Variants in FGD3 observed in about 807,000 individuals in gnomAD.
FGD3 encodes FYVE, RhoGEF and PH domain-containing protein 3.
FGD3 carries 45 observed loss-of-function variants against 71.8 expected under a neutral mutation model. That is an observed-to-expected ratio of 0.63 (90% CI 0.49 to 0.80). The LOEUF (loss-of-function observed/expected upper bound fraction) is 0.80, where lower values mean the gene tolerates loss of function less well. Among genes scored for constraint, FGD3 ranks in the 30% least tolerant of loss-of-function variants. The pLI is 0.00. For missense variants in FGD3, 844 were observed against 951.5 expected (o/e 0.89, Z 1.49); for synonymous variants, 378 against 392.8 (o/e 0.96, Z 0.44).
At chr9:92,990,965 A>C (rs992082122) in intron 3 of FGD3, among the ~76,000 whole-genome samples, 35 of 152,244 alleles carry the variant, frequency 2.3e-4, no homozygotes, top group Admixed American at 1.5e-3. Flanking sequence ...CTCCGATTCA[A>C]TTTTTTGGAA....
intron 17 of FGD3, 92 bp downstream of exon 17, chr9:93,034,773 TC>T: frequency 7.1e-7 from 1 of 1,399,496 alleles, no homozygotes; most frequent in South Asian, 1.3e-5. Flanking sequence ...CCAGCTGGGG[TC>T]CACCTGCTTG....
In FGD3 at chr9:92,950,285, C is replaced by T. The variant is rs540816037; in HGVS notation, c.-218+2556C>T. 1.4e-4 allele frequency among the ~76,000 whole-genome samples: 21 copies of T among 151,786 alleles called. No individual in the cohort carries two copies. The East Asian group carries it at 2.1e-3, about 15-fold the overall frequency. On this transcript the variant is annotated intron_variant, in intron 1 of 17. Transcript: ENST00000375482. ...ACAAAAAATTAGCCGGGCATGGTGG[C>T]GGGTGCTTGTAGTCCCAGCTACTCA...
At chr9:92,990,767 TC>T (rs1196173484) in intron 3 of FGD3, among the ~76,000 whole-genome samples, 3 of 152,214 alleles carry the variant, frequency 2.0e-5, no homozygotes, top group African/African-American at 4.8e-5. Flanking sequence ...CTGGGATAAA[TC>T]CCACTCGATT....
chr9:93,030,109 A>C, intron 15 of FGD3, 113 bp downstream of exon 15: 12 of 1,254,444 alleles, frequency 9.6e-6, no homozygotes, highest in Non-Finnish European at 1.2e-5. Flanking sequence ...CCCTGCACGG[A>C]AGGGCTTCCT....
At chr9:92,988,245 A>G (rs1011498932) in intron 3 of FGD3, among the ~76,000 whole-genome samples, 2 of 152,100 alleles carry the variant, frequency 1.3e-5, no homozygotes, top group African/African-American at 4.8e-5. Flanking sequence ...CCCCTGCATA[A>G]GGCTCCACCC....
Position 93,013,878 on chromosome 9 carries a change from G to A in FGD3, c.1062G>A (p.Val354=). 3 of 1,612,824 alleles carry A rather than the reference G, an allele frequency of 1.9e-6. No individual in the cohort carries two copies. Among genetic ancestry groups the A allele is most frequent in the Non-Finnish European group, 2.5e-6 (3 of 1,179,540 alleles). The change falls in exon 9 of 18, where the codon GTG becomes GTA. Residue 354 remains valine, a synonymous_variant. Coordinates refer to ENST00000375482, the MANE Select transcript of FGD3 (RefSeq NM_001083536.2). ...AGAAAATGCACAAGCTCTTGGAGGT[G>A]TACGAGCAGCTGGGTGGGGAAGAAG... ...KVEKMHKLLE[V]YEQLGGEEDI...
intron 3 of FGD3, among the ~76,000 whole-genome samples, chr9:92,993,901 T>C (rs927503208): frequency 2.6e-5 from 4 of 152,196 alleles, no homozygotes; most frequent in Non-Finnish European, 4.4e-5. Flanking sequence ...GTCTTTGCTA[T>C]TGTGAATAGT....
chr9:93,008,525 C>T lies in FGD3; in HGVS notation c.838-1721C>T, dbSNP rs143744382. ...CTGTTTGTCCACAGTTTGATTGAGG[C>T]TGTGCCTTTTCCTGGAGTGAGGCTG... On this transcript the variant is annotated intron_variant, in intron 6 of 17. Coordinates refer to ENST00000375482, the MANE Select transcript of FGD3 (RefSeq NM_001083536.2). Among the ~76,000 whole-genome samples the T allele has an allele frequency of 5.9e-5, 9 of 152,266 alleles. No individual in the cohort carries two copies. In the East Asian group the frequency reaches 1.5e-3, roughly 26 times the overall value.
Position 92,971,561 on chromosome 9 carries a change from CTTTTCTTTTTTTTTTT to C in FGD3, c.-217-3672_-217-3657del, listed in dbSNP as rs1261433831. Among the ~76,000 whole-genome samples the C allele has an allele frequency of 2.0e-3, 125 of 63,288 alleles. 1 individual carries two copies. Among genetic ancestry groups the C allele is most frequent in the African/African-American group, 7.2e-3 (114 of 15,940 alleles). 41.5% of individuals were successfully genotyped at this position (63,288 alleles called of 152,430 possible). On this transcript the variant is annotated intron_variant, in intron 1 of 17. Coordinates refer to ENST00000375482, the MANE Select transcript of FGD3 (RefSeq NM_001083536.2). ...TGGGATTTTTCTTTTCTTTTCTTTT[CTTTTCTTTTTTTTTTT>C]TTTTTTTTTTTTTTTTGAGACAGAA...
At chr9:92,966,378 G>A (rs1859326376) in intron 1 of FGD3, among the ~76,000 whole-genome samples, 1 of 152,218 alleles carries the variant, frequency 6.6e-6, no homozygotes, top group Admixed American at 6.5e-5. Flanking sequence ...CTCCTTCTGA[G>A]CTTGCTGCCT....
At chr9:92,957,176 TTGTG>T (rs1464921475) in intron 1 of FGD3, among the ~76,000 whole-genome samples, 1 of 152,252 alleles carries the variant, frequency 6.6e-6, no homozygotes, top group Non-Finnish European at 1.5e-5. Context: ...GTACAGGTCT[TTGTG>T]TGGACAGATG....
rs538359882 is a variant in FGD3, at chr9:92,959,995, C to A, written c.-218+12266C>A. 4.6e-5 allele frequency among the ~76,000 whole-genome samples: 7 copies of A among 152,158 alleles called. No homozygotes were observed. In the South Asian group the frequency reaches 1.5e-3, roughly 32 times the overall value. ...CTCCACATCTCCATATTCTTCATGT[C>A]CCCGTATCCCTCACGTCCCCGAGTC... On this transcript the variant is annotated intron_variant, in intron 1 of 17. Transcript: ENST00000375482.
In FGD3 at chr9:93,022,282, G is replaced by C. The variant is rs768547301; in HGVS notation, c.1495-45G>C. ...TGTCCCCCCGCTGCACAGTGGCTGC[G>C]TGGCCCTGGAATCTCCTCTCACTCG... On this transcript the variant is annotated intron_variant, in intron 13 of 17. Transcript: ENST00000375482. 10 of 1,584,672 alleles carry C rather than the reference G, an allele frequency of 6.3e-6. 1 individual carries two copies. In the South Asian group the frequency reaches 7.8e-5, roughly 12 times the overall value.
chr9:93,018,346 G>T, intron 11 of FGD3, 131 bp downstream of exon 11: 2 of 811,394 alleles, frequency 2.5e-6, no homozygotes, highest in Non-Finnish European at 1.9e-6. Flanking sequence ...AAGCACCAGG[G>T]TTCCGTCTAT....
At chr9:93,032,111 A>G (rs10115178) in intron 15 of FGD3, among the ~76,000 whole-genome samples, 36,061 of 151,984 alleles carry the variant, frequency 0.24, 4,615 homozygotes, top group African/African-American at 0.35. Flanking sequence ...GCCGATGGAC[A>G]CGGGTTGCTT....
At chr9:92,949,726 G>A (rs1450695171) in intron 1 of FGD3, among the ~76,000 whole-genome samples, 1 of 152,162 alleles carries the variant, frequency 6.6e-6, no homozygotes, top group Admixed American at 6.5e-5. Flanking sequence ...CGAGGTGCTT[G>A]TGTGTGCAGA....
chr9:93,020,999 C>G (rs985035840), intron 13 of FGD3, among the ~76,000 whole-genome samples: 1 of 152,194 alleles, frequency 6.6e-6, no homozygotes, highest in Non-Finnish European at 1.5e-5. Context: ...TGCACAGCAT[C>G]CTACACACAA....
Position 93,032,861 on chromosome 9 carries a change from T to G in FGD3, c.1773T>G (p.Pro591=), listed in dbSNP as rs1862409690. 6.2e-7 allele frequency: 1 copy of G among 1,614,170 alleles called. No individual in the cohort carries two copies. Among genetic ancestry groups the G allele is most frequent in the African/African-American group, 1.3e-5 (1 of 75,068 alleles). ...RDCFLTQPVA[P]ESTEKTPTAD... is the part of the protein sequence containing the mutation. Reference sequence around the variant, plus strand: ...GTTTCCTGACACAGCCAGTGGCCCCTGAGAGCACAGAGGTGGGTGCTCCCA... The same window carrying G: ...GTTTCCTGACACAGCCAGTGGCCCCGGAGAGCACAGAGGTGGGTGCTCCCA... The change falls in exon 16 of 18, where the codon CCT becomes CCG. Residue 591 remains proline (P), a synonymous_variant. Coordinates refer to ENST00000375482, the MANE Select transcript of FGD3 (RefSeq NM_001083536.2).
intron 14 of FGD3, among the ~76,000 whole-genome samples, chr9:93,028,999 T>TG (rs1862247891): frequency 2.4e-5 from 1 of 42,000 alleles, no homozygotes; most frequent in African/African-American, 1.4e-4. Context: ...CTCACAGTTT[T>TG]TTTTTTTTTT....
Sources: gnomAD v4.1 joint callset for allele counts (sites outside exome capture counted in the v4.1 genomes callset) on GRCh38, gnomAD v4.1.1 for gene constraint, MANE v1.5 for transcripts, NCBI Gene and HGNC (gene_info 2026-07-23, HGNC 2026-07-21) for gene names.